CLASP1: variants seen among roughly 807,000 people sequenced by gnomAD.
CLASP1 encodes the protein cytoplasmic linker associated protein 1, also known as CLIP-associating protein 1.
A neutral mutation model predicts 192.3 loss-of-function variants in CLASP1; 38 were observed. That is an observed-to-expected ratio of 0.20 (90% CI 0.15 to 0.26). The LOEUF (loss-of-function observed/expected upper bound fraction) is 0.26, where lower values mean the gene tolerates loss of function less well. Among genes scored for constraint, CLASP1 ranks in the 10% least tolerant of loss-of-function variants. CLASP1 has a pLI of 1.00. For synonymous variants in CLASP1, 691 were observed against 712.8 expected (o/e 0.97, Z 0.49); for missense variants, 1,433 against 1,932.5 (o/e 0.74, Z 4.85).
At chr2:121,562,678 C>T (rs1354074812) in intron 2 of CLASP1, among the ~76,000 whole-genome samples, 4 of 152,288 alleles carry the variant, frequency 2.6e-5, no homozygotes, top group Middle Eastern at 3.4e-3. Context: ...CAAACATAAG[C>T]ACAGAAGCAC....
intron 2 of CLASP1, among the ~76,000 whole-genome samples, chr2:121,540,418 G>A (rs1224919170): frequency 2.0e-5 from 3 of 152,030 alleles, no homozygotes; most frequent in Non-Finnish European, 4.4e-5. Flanking sequence ...CTGGATGATC[G>A]CTTAAGCCCA....
chr2:121,393,655 T>G (rs1461267943), intron 30 of CLASP1, among the ~76,000 whole-genome samples: 1 of 152,140 alleles, frequency 6.6e-6, no homozygotes, highest in Non-Finnish European at 1.5e-5. Flanking sequence ...TATTTATAAA[T>G]GTTCAACGGA....
chr2:121,520,404 TACCCCAGC>T (rs976492945), intron 6 of CLASP1, among the ~76,000 whole-genome samples: 2 of 152,104 alleles, frequency 1.3e-5, no homozygotes, highest in Middle Eastern at 3.2e-3. Flanking sequence ...GGAGCGTGGG[TACCCCAGC>T]ACCCCAGCAC....
chr2:121,387,943 C>A (rs1225109742), intron 30 of CLASP1, 37 bp from the exon 32 acceptor site: 8 of 1,475,872 alleles, frequency 5.4e-6, no homozygotes, highest in South Asian at 1.2e-5. Flanking sequence ...ATGTAATGTA[C>A]AATAGGTCAT....
chr2:121,607,229 C>G (rs1465716880), intron 1 of CLASP1, among the ~76,000 whole-genome samples: 1 of 151,950 alleles, frequency 6.6e-6, no homozygotes, highest in Non-Finnish European at 1.5e-5. Context: ...ATCCCAGCTA[C>G]TTAGGAGGCT....
intron 1 of CLASP1, among the ~76,000 whole-genome samples, chr2:121,620,091 G>C (rs1354167632): frequency 6.6e-6 from 1 of 151,602 alleles, no homozygotes; most frequent in African/African-American, 2.4e-5. Context: ...GAGTGGTGGC[G>C]CATGCCTGTA....
At chr2:121,646,881 C>T (rs530560640) in intron 1 of CLASP1, among the ~76,000 whole-genome samples, 164 of 151,240 alleles carry the variant, frequency 1.1e-3, no homozygotes, top group African/African-American at 3.8e-3. Context: ...ACTAAGAAAA[C>T]GCAAAAAAAT....
intron 2 of CLASP1, among the ~76,000 whole-genome samples, chr2:121,542,063 T>G (rs2095245826): frequency 6.6e-6 from 1 of 152,154 alleles, no homozygotes; most frequent in African/African-American, 2.4e-5. Flanking sequence ...ATGCACATTT[T>G]TCCATTCAAT....
intron 2 of CLASP1, among the ~76,000 whole-genome samples, chr2:121,566,051 T>A (rs1047947319): frequency 9.9e-5 from 15 of 152,202 alleles, no homozygotes; most frequent in African/African-American, 3.4e-4. Context: ...CTGTGAGTCC[T>A]ATTAATGGAC....
At chr2:121,480,635 T>A (rs1425203351) in intron 8 of CLASP1, among the ~76,000 whole-genome samples, 1 of 152,186 alleles carries the variant, frequency 6.6e-6, no homozygotes, top group Non-Finnish European at 1.5e-5. Flanking sequence ...TCTGTTTCCC[T>A]GTGTGAAAAA....
chr2:121,562,523 A>G (rs1342681763), intron 2 of CLASP1, among the ~76,000 whole-genome samples: 1 of 152,186 alleles, frequency 6.6e-6, no homozygotes, highest in Admixed American at 6.5e-5. Context: ...AGTTACTCCA[A>G]CACTGAGAGT....
chr2:121,375,591 T>G (rs549290930), intron 34 of CLASP1, among the ~76,000 whole-genome samples: 3 of 152,254 alleles, frequency 2.0e-5, no homozygotes, highest in Admixed American at 6.5e-5. Flanking sequence ...CTCGATCTCT[T>G]GACCTCATGA....
At chr2:121,571,679 T>G (rs1034419687) in intron 2 of CLASP1, among the ~76,000 whole-genome samples, 6 of 151,992 alleles carry the variant, frequency 3.9e-5, no homozygotes, top group African/African-American at 1.5e-4. Context: ...GAGTCTTCAA[T>G]CATGAAAAGA....
intron 2 of CLASP1, among the ~76,000 whole-genome samples, chr2:121,558,402 C>T (rs1020646212): frequency 6.6e-6 from 1 of 152,208 alleles, no homozygotes. Flanking sequence ...CCAAATTTCA[C>T]GTTATAAATT....
intron 2 of CLASP1, among the ~76,000 whole-genome samples, chr2:121,594,396 A>AC (rs2062854523): frequency 7.3e-6 from 1 of 137,520 alleles, no homozygotes; most frequent in South Asian, 2.3e-4. Flanking sequence ...ATAGTCTATC[A>AC]ATTTTTTTTT....
At position 121,350,221 on chromosome 2, in the gene CLASP1, A is replaced by G. The variant is rs551008816; in HGVS notation, c.4207-1503T>C. ...TAACTCAGCTCTAACTTCATACAAC[A>G]AAAAGGTGAAGACTACCAGCCCACA... is the stretch of plus-strand genomic sequence containing the variant. On this transcript the variant is annotated intron_variant, in intron 37 of 39. Coordinates refer to ENST00000263710, the Ensembl canonical transcript of CLASP1. Among the ~76,000 whole-genome samples, 334 of 152,330 alleles carry G rather than the reference A, an allele frequency of 2.2e-3. 1 individual carries two copies. The highest frequency in any genetic ancestry group is 6.5e-3 in the African/African-American group (270 of 41,580).
intron 8 of CLASP1, 123 bp downstream of exon 8, chr2:121,503,044 G>C: frequency 1.6e-6 from 1 of 631,112 alleles, no homozygotes; most frequent in Non-Finnish European, 2.8e-6. Context: ...TGGGTGAATG[G>C]AGGTTAAGTT....
exon 38 of CLASP1, chr2:121,348,692 C>T (rs758017538): frequency 1.4e-5 from 23 of 1,611,764 alleles, no homozygotes; most frequent in African/African-American, 8.0e-5. Flanking sequence ...CCAGTGTGGA[C>T]GCAGCCTCCT....
intron 1 of CLASP1, among the ~76,000 whole-genome samples, chr2:121,626,595 TG>T (rs1247126421): frequency 6.6e-6 from 1 of 152,164 alleles, no homozygotes; most frequent in Non-Finnish European, 1.5e-5. Flanking sequence ...TTTTTTGTTT[TG>T]TTTTGTTTTA....
Sources: allele counts gnomAD v4.1 joint callset (sites outside exome capture counted in the v4.1 genomes callset), GRCh38; gene constraint gnomAD v4.1.1; transcripts MANE v1.5; gene names NCBI Gene and HGNC (gene_info 2026-07-23, HGNC 2026-07-21).